PPP1R9A: variants seen among roughly 807,000 people sequenced by gnomAD.
PPP1R9A encodes protein phosphatase 1 regulatory subunit 9A, also known as neurabin-1.
PPP1R9A carries 59 observed loss-of-function variants against 141.9 expected under a neutral mutation model. That is an observed-to-expected ratio of 0.42 (90% CI 0.34 to 0.52). The LOEUF (loss-of-function observed/expected upper bound fraction) is 0.52. Ranked by LOEUF, PPP1R9A falls within the 20% of genes least tolerant of loss-of-function variation. PPP1R9A has a pLI of 0.10. For synonymous variants in PPP1R9A, 500 were observed against 569.7 expected (o/e 0.88, Z 1.74); for missense variants, 1,444 against 1,611.9 (o/e 0.90, Z 1.78).
At chr7:95,253,107 A>G (rs904279966) in intron 12 of PPP1R9A, among the ~76,000 whole-genome samples, 1 of 152,248 alleles carries the variant, frequency 6.6e-6, no homozygotes, top group African/African-American at 2.4e-5. Flanking sequence ...ATTAGAAAAC[A>G]CATAATAATT....
At chr7:95,037,544 A>T (rs964819734) in intron 2 of PPP1R9A, among the ~76,000 whole-genome samples, 1 of 152,182 alleles carries the variant, frequency 6.6e-6, no homozygotes, top group African/African-American at 2.4e-5. Context: ...TGAAAGGTTC[A>T]TGGCTGAATC....
intron 2 of PPP1R9A, among the ~76,000 whole-genome samples, chr7:95,010,844 C>G (rs1584260254): frequency 6.6e-6 from 1 of 152,132 alleles, no homozygotes; most frequent in Non-Finnish European, 1.5e-5. Flanking sequence ...AAACAGGAGG[C>G]TGTGTTAGGG....
chr7:95,095,873 GT>G (rs986094930), intron 2 of PPP1R9A, among the ~76,000 whole-genome samples: 5 of 151,314 alleles, frequency 3.3e-5, no homozygotes, highest in African/African-American at 7.3e-5. Context: ...TGTTTTGAAG[GT>G]TTTTTTTTCC....
chr7:95,085,870 C>G (rs1816558676), intron 2 of PPP1R9A, among the ~76,000 whole-genome samples: 1 of 151,780 alleles, frequency 6.6e-6, no homozygotes, highest in Admixed American at 6.6e-5. Context: ...AAAAATCTTC[C>G]TAAGACCATA....
intron 7 of PPP1R9A, 133 bp downstream of exon 7, chr7:95,203,863 G>T: frequency 1.8e-6 from 1 of 558,250 alleles, no homozygotes; most frequent in Non-Finnish European, 2.9e-6. Context: ...TTTGTGCATT[G>T]AATAATAGTT....
At chr7:95,255,914 G>T (rs1352084439) in intron 12 of PPP1R9A, among the ~76,000 whole-genome samples, 1 of 152,044 alleles carries the variant, frequency 6.6e-6, no homozygotes, top group African/African-American at 2.4e-5. Flanking sequence ...CAGGAACTTA[G>T]TCACTTGTAG....
chr7:94,928,731 AT>A (rs796352547), intron 2 of PPP1R9A, among the ~76,000 whole-genome samples: 101 of 151,542 alleles, frequency 6.7e-4, no homozygotes, highest in African/African-American at 2.3e-3. Flanking sequence ...GTGTGAAAAT[AT>A]TTTTTTTTGC....
At chr7:95,110,550 A>G (rs1003654424) in intron 2 of PPP1R9A, among the ~76,000 whole-genome samples, 1 of 152,182 alleles carries the variant, frequency 6.6e-6, no homozygotes, top group African/African-American at 2.4e-5. Context: ...TTTAAGATAA[A>G]CATTTCAGCA....
chr7:95,135,163 C>A (rs1274539839), intron 4 of PPP1R9A, among the ~76,000 whole-genome samples: 1 of 152,120 alleles, frequency 6.6e-6, no homozygotes, highest in African/African-American at 2.4e-5. Flanking sequence ...CAACACATAT[C>A]CTGTATATGC....
At chr7:94,981,156 C>T (rs995962185) in intron 2 of PPP1R9A, among the ~76,000 whole-genome samples, 1 of 152,156 alleles carries the variant, frequency 6.6e-6, no homozygotes, top group Non-Finnish European at 1.5e-5. Context: ...GGTTTTTGGT[C>T]TCAGATGTCA....
At chr7:95,244,563 A>T (rs1035712235) in intron 8 of PPP1R9A, among the ~76,000 whole-genome samples, 1 of 152,204 alleles carries the variant, frequency 6.6e-6, no homozygotes, top group Non-Finnish European at 1.5e-5. Flanking sequence ...CAAAATGCCA[A>T]CAAGCTGCAT....
chr7:95,029,868 A>G (rs1320660206), intron 2 of PPP1R9A, among the ~76,000 whole-genome samples: 1 of 152,176 alleles, frequency 6.6e-6, no homozygotes, highest in Non-Finnish European at 1.5e-5. Flanking sequence ...TTTAGTTGGC[A>G]TTTACTTTAC....
intron 5 of PPP1R9A, among the ~76,000 whole-genome samples, chr7:95,176,156 C>G (rs1350129623): frequency 6.6e-6 from 1 of 152,022 alleles, no homozygotes; most frequent in East Asian, 1.9e-4. Context: ...GCTGAGAGAC[C>G]CATAGATGGT....
intron 2 of PPP1R9A, among the ~76,000 whole-genome samples, chr7:94,980,104 T>C (rs1252441022): frequency 6.6e-6 from 1 of 151,892 alleles, no homozygotes; most frequent in Non-Finnish European, 1.5e-5. Context: ...GTGTCCAATC[T>C]TTTGGCTTCC....
chr7:95,106,103 T>C (rs1819475908), intron 2 of PPP1R9A, among the ~76,000 whole-genome samples: 1 of 152,144 alleles, frequency 6.6e-6, no homozygotes, highest in South Asian at 2.1e-4. Flanking sequence ...TAAAAATGTT[T>C]TTAAATTTAA....
intron 5 of PPP1R9A, among the ~76,000 whole-genome samples, chr7:95,179,778 CAAAA>C (rs61054939): frequency 1.1e-4 from 11 of 96,986 alleles, no homozygotes; most frequent in African/African-American, 1.6e-4. Flanking sequence ...ACAATAGCTG[CAAAA>C]AAAAAAAAAA....
At chr7:94,999,422 A>G (rs1032854595) in intron 2 of PPP1R9A, among the ~76,000 whole-genome samples, 2 of 152,228 alleles carry the variant, frequency 1.3e-5, no homozygotes, top group African/African-American at 4.8e-5. Context: ...ATACAGCACT[A>G]GGTTCATCTC....
At chr7:95,160,681 T>C (rs958826452) in intron 4 of PPP1R9A, among the ~76,000 whole-genome samples, 1 of 152,138 alleles carries the variant, frequency 6.6e-6, no homozygotes, top group African/African-American at 2.4e-5. Context: ...CCTCTCTTCC[T>C]TTCCCCTCTA....
intron 2 of PPP1R9A, among the ~76,000 whole-genome samples, chr7:95,092,228 C>G (rs1239786416): frequency 6.6e-6 from 1 of 152,088 alleles, no homozygotes; most frequent in African/African-American, 2.4e-5. Flanking sequence ...ATGATGACAG[C>G]TGATGGATAT....
Sources: allele counts gnomAD v4.1 joint callset (sites outside exome capture counted in the v4.1 genomes callset), GRCh38; gene constraint gnomAD v4.1.1; transcripts MANE v1.5; gene names NCBI Gene and HGNC (gene_info 2026-07-23, HGNC 2026-07-21).